The following SDC2 variants were observed in gnomAD, a reference collection of about 807,000 sequenced individuals.
SDC2 encodes the protein syndecan-2.
A neutral mutation model predicts 22.2 loss-of-function variants in SDC2; 13 were observed. The ratio of observed to expected loss-of-function variants is 0.59; its 90% CI spans 0.38 to 0.93. The LOEUF is 0.93. Among genes scored for constraint, SDC2 ranks in the 40% least tolerant of loss-of-function variants. The probability of loss-of-function intolerance (pLI) is 0.00; values close to 1 mark genes in which losing one functional copy is unlikely to be tolerated. For synonymous variants in SDC2, 94 were observed against 92.8 expected (o/e 1.01, Z -0.07); for missense variants, 235 against 246.8 (o/e 0.95, Z 0.32).
intron 1 of SDC2, chr8:96,529,121 C>G (rs183046922): frequency 2.6e-5 from 4 of 152,262 alleles, no homozygotes; most frequent in African/African-American, 9.6e-5. Context: ...TTGTTTTTCC[C>G]AAGGAAAATA....
chr8:96,577,599 T>C (rs545863300), intron 1 of SDC2, among the ~76,000 whole-genome samples: 1 of 152,342 alleles, frequency 6.6e-6, no homozygotes, highest in East Asian at 1.9e-4. Context: ...CTGTAGTCCA[T>C]AGTTTACATT....
chr8:96,518,500 A>T (rs907020393), intron 1 of SDC2, among the ~76,000 whole-genome samples: 1 of 151,860 alleles, frequency 6.6e-6, no homozygotes, highest in South Asian at 2.1e-4. Flanking sequence ...AGCTGGGACT[A>T]CAGACGCCCG....
chr8:96,581,155 G>T (rs553935982), intron 1 of SDC2, among the ~76,000 whole-genome samples: 361 of 152,308 alleles, frequency 2.4e-3, no homozygotes, highest in Non-Finnish European at 3.7e-3. Context: ...ATTGTCACTA[G>T]TAAATTACTA....
intron 1 of SDC2, among the ~76,000 whole-genome samples, chr8:96,536,823 C>T (rs1211429463): frequency 6.6e-6 from 1 of 152,166 alleles, no homozygotes; most frequent in Admixed American, 6.5e-5. Context: ...GGTTGATTAC[C>T]TATGCTTTTC....
intron 1 of SDC2, among the ~76,000 whole-genome samples, chr8:96,581,822 A>G (rs1207602449): frequency 6.6e-6 from 1 of 152,134 alleles, no homozygotes; most frequent in Non-Finnish European, 1.5e-5. Flanking sequence ...AGTATTTGTC[A>G]TTGGTGAAAA....
At chr8:96,519,675 C>CA (rs759153613) in intron 1 of SDC2, among the ~76,000 whole-genome samples, 3 of 151,370 alleles carry the variant, frequency 2.0e-5, no homozygotes, top group African/African-American at 2.4e-5. Context: ...TCTTTTGAGA[C>CA]AGAGTCTAGC....
intron 1 of SDC2, among the ~76,000 whole-genome samples, chr8:96,549,221 T>C (rs1205207738): frequency 6.6e-6 from 1 of 152,250 alleles, no homozygotes; most frequent in Admixed American, 6.5e-5. Context: ...TTTGAATATT[T>C]CTAAACTTTC....
chr8:96,577,684 A>G (rs1387586187), intron 1 of SDC2, among the ~76,000 whole-genome samples: 1 of 152,174 alleles, frequency 6.6e-6, no homozygotes, highest in Non-Finnish European at 1.5e-5. Context: ...CTATTATATT[A>G]TCATACAGAA....
At chr8:96,569,965 G>A (rs1327164615) in intron 1 of SDC2, among the ~76,000 whole-genome samples, 4 of 152,210 alleles carry the variant, frequency 2.6e-5, no homozygotes, top group African/African-American at 9.6e-5. Context: ...GGAGTCGCTT[G>A]AAGCAGTCCA....
chr8:96,576,843 A>G (rs955480878), intron 1 of SDC2, among the ~76,000 whole-genome samples: 2 of 152,314 alleles, frequency 1.3e-5, no homozygotes, highest in African/African-American at 4.8e-5. Context: ...AGAAAACACA[A>G]TCTCACCTAA....
intron 4 of SDC2, 32 bp downstream of exon 4, chr8:96,608,502 G>A (rs374457535): frequency 2.5e-6 from 4 of 1,593,212 alleles, no homozygotes; most frequent in Admixed American, 1.7e-5. Flanking sequence ...AGGTGGGAGG[G>A]TGCCTACATA....
intron 1 of SDC2, among the ~76,000 whole-genome samples, chr8:96,500,606 G>C (rs1813145790): frequency 6.8e-6 from 1 of 147,206 alleles, no homozygotes; most frequent in African/African-American, 2.5e-5. Context: ...AGGTTGCAAT[G>C]AGCCGAGATC....
At chr8:96,529,553 C>T (rs1813628397) in intron 1 of SDC2, among the ~76,000 whole-genome samples, 2 of 152,146 alleles carry the variant, frequency 1.3e-5, no homozygotes, top group Admixed American at 1.3e-4. Flanking sequence ...ACCCATTTCA[C>T]ATTATGGAAA....
intron 1 of SDC2, among the ~76,000 whole-genome samples, chr8:96,585,853 G>GTTTTTT (rs199970598): frequency 6.9e-6 from 1 of 145,428 alleles, no homozygotes; most frequent in African/African-American, 2.6e-5. Flanking sequence ...CTGGCAAGAG[G>GTTTTTT]TTTTTTTTTT....
chr8:96,523,781 C>T (rs1375841518), intron 1 of SDC2, among the ~76,000 whole-genome samples: 1 of 152,072 alleles, frequency 6.6e-6, no homozygotes, highest in Non-Finnish European at 1.5e-5. Context: ...AAAAAAGACG[C>T]GGATTTTTTT....
chr8:96,538,192 C>CCTTGTGAT (rs1813785305), intron 1 of SDC2, among the ~76,000 whole-genome samples: 1 of 152,128 alleles, frequency 6.6e-6, no homozygotes, highest in Non-Finnish European at 1.5e-5. Context: ...GAACTCCTGA[C>CCTTGTGAT]CTTGTGATCC....
At chr8:96,599,152 A>G (rs1365568258) in intron 2 of SDC2, among the ~76,000 whole-genome samples, 3 of 152,012 alleles carry the variant, frequency 2.0e-5, no homozygotes, top group Admixed American at 6.6e-5. Flanking sequence ...CATGTTAGCC[A>G]AGATGGTCTT....
intron 1 of SDC2, among the ~76,000 whole-genome samples, chr8:96,539,603 C>G (rs1451583949): frequency 6.6e-6 from 1 of 152,212 alleles, no homozygotes; most frequent in East Asian, 1.9e-4. Flanking sequence ...CCATAGGGAT[C>G]AAAAGGAAAT....
At chr8:96,500,971 A>C (rs35922596) in intron 1 of SDC2, among the ~76,000 whole-genome samples, 1 of 152,178 alleles carries the variant, frequency 6.6e-6, no homozygotes, top group Non-Finnish European at 1.5e-5. Context: ...GCCAATGAGT[A>C]TGCAGCTGGT....
Sources: gnomAD v4.1 joint callset for allele counts (sites outside exome capture counted in the v4.1 genomes callset) on GRCh38, gnomAD v4.1.1 for gene constraint, MANE v1.5 for transcripts, NCBI Gene and HGNC (gene_info 2026-07-23, HGNC 2026-07-21) for gene names.